The following STRN3 variants were observed in gnomAD, a reference collection of about 807,000 sequenced individuals.
The protein encoded by STRN3 is striatin 3.
STRN3 carries 29 observed loss-of-function variants against 95.6 expected under a neutral mutation model. The ratio of observed to expected loss-of-function variants is 0.30; its 90% confidence interval spans 0.23 to 0.41. The LOEUF (loss-of-function observed/expected upper bound fraction) is 0.41. Ranked by LOEUF, STRN3 falls within the 10% of genes least tolerant of loss-of-function variation. The probability of loss-of-function intolerance (pLI) is 1.00; values close to 1 mark genes in which losing one functional copy is unlikely to be tolerated. For synonymous variants in STRN3, 331 were observed against 357.6 expected (o/e 0.93, Z 0.84); for missense variants, 890 against 972.1 (o/e 0.92, Z 1.12).
intron 1 of STRN3, among the ~76,000 whole-genome samples, chr14:30,985,432 C>A (rs763354533): frequency 6.6e-6 from 1 of 152,128 alleles, no homozygotes; most frequent in South Asian, 2.1e-4. Context: ...CATGAAACCC[C>A]GTCTCTACTA....
chr14:30,992,550 C>T (rs915978915), intron 1 of STRN3, among the ~76,000 whole-genome samples: 8 of 138,042 alleles, frequency 5.8e-5, no homozygotes, highest in Admixed American at 5.4e-4. Context: ...CCACAGTGCC[C>T]GGCCCCTGTC....
chr14:31,017,690 G>A (rs985096595), intron 1 of STRN3, among the ~76,000 whole-genome samples: 1 of 152,090 alleles, frequency 6.6e-6, no homozygotes, highest in African/African-American at 2.4e-5. Flanking sequence ...AAACTTTGGG[G>A]TAGGAGACTA....
chr14:30,997,807 C>T (rs780631244), intron 1 of STRN3, among the ~76,000 whole-genome samples: 3 of 152,140 alleles, frequency 2.0e-5, no homozygotes, highest in Non-Finnish European at 2.9e-5. Flanking sequence ...TCCAATGACA[C>T]AGAGAAGGTA....
At position 30,950,985 on chromosome 14, in the gene STRN3, G is replaced by A. The variant is rs769365647; in HGVS notation, c.461-41C>T. 23 of 1,541,992 alleles carry A rather than the reference G, an allele frequency of 1.5e-5. 1 individual carries two copies. In the South Asian group the frequency reaches 2.2e-4, roughly 15 times the overall value. On this transcript the variant is annotated intron_variant, in intron 3 of 17. Coordinates refer to ENST00000357479, the MANE Select transcript of STRN3 (RefSeq NM_001083893.2). ...AAAAAAGTTTTACATACTTTATTTC[G>A]ACTCCTGAAAATATTGCCAAAGTTT...
intron 8 of STRN3, among the ~76,000 whole-genome samples, chr14:30,919,495 A>G (rs2139015474): frequency 6.6e-6 from 1 of 152,220 alleles, no homozygotes; most frequent in Admixed American, 6.5e-5. Context: ...TACCAGTGTA[A>G]AGAATAAAAC....
At position 30,929,254 on chromosome 14, in the gene STRN3, C is replaced by T; in HGVS notation, c.1046G>A (p.Ser349Asn). The T allele has an allele frequency of 1.2e-6, 2 of 1,613,476 alleles. No individual in the cohort carries two copies. Among genetic ancestry groups the T allele is most frequent in the South Asian group, 2.2e-5 (2 of 91,030 alleles). Residue 349 changes from serine to asparagine, a missense_variant, in exon 8 of 18, where the codon AGT (serine) becomes AAT (asparagine). Physicochemically the swap from Ser to Asn is conservative, Grantham distance 46. This residue lies in a region of STRN3 where 526 missense variants were observed against 526.3 expected (regional missense o/e 1.00). Coordinates refer to ENST00000357479, the MANE Select transcript of STRN3 (RefSeq NM_001083893.2). ...EVWDVDQGLI[S>N]KLKEQYKKER... ...CTTCTTGTACTGTTCCTTCAGTTTA[C>T]TTATTAGTCCCTGGTCTACATCCCA...
chr14:30,992,168 C>T (rs935206339), intron 1 of STRN3, among the ~76,000 whole-genome samples: 4 of 151,312 alleles, frequency 2.6e-5, no homozygotes, highest in African/African-American at 4.9e-5. Context: ...CCAGCACTTT[C>T]GGAGGCTGAG....
At chr14:30,984,342 T>C (rs1025634409) in intron 1 of STRN3, among the ~76,000 whole-genome samples, 1 of 147,314 alleles carries the variant, frequency 6.8e-6, no homozygotes, top group Admixed American at 6.8e-5. Flanking sequence ...AGGCAGAGAC[T>C]GCAGTGAGCT....
chr14:30,945,667 G>C (rs1178412163), intron 5 of STRN3, among the ~76,000 whole-genome samples: 1 of 152,094 alleles, frequency 6.6e-6, no homozygotes, highest in African/African-American at 2.4e-5. Flanking sequence ...ATCCACAATG[G>C]AGTATTATTC....
At chr14:30,933,514 T>G (rs1463921233) in intron 7 of STRN3, among the ~76,000 whole-genome samples, 2 of 151,978 alleles carry the variant, frequency 1.3e-5, no homozygotes, top group African/African-American at 4.8e-5. Flanking sequence ...AACAATACTT[T>G]TGAAGTTACT....
At chr14:31,012,681 C>G (rs1292945970) in intron 1 of STRN3, among the ~76,000 whole-genome samples, 1 of 152,076 alleles carries the variant, frequency 6.6e-6, no homozygotes, top group African/African-American at 2.4e-5. Context: ...ATCACGAGGT[C>G]AGCAGTTAGA....
intron 1 of STRN3, among the ~76,000 whole-genome samples, chr14:30,977,790 T>C (rs1409538817): frequency 2.1e-5 from 1 of 47,766 alleles, no homozygotes; most frequent in South Asian, 1.1e-3. Flanking sequence ...CAAGACTCTA[T>C]CTCGAAAAAA....
chr14:31,020,399 T>G (rs1230074466), intron 1 of STRN3, among the ~76,000 whole-genome samples: 2 of 151,834 alleles, frequency 1.3e-5, no homozygotes, highest in Non-Finnish European at 2.9e-5. Flanking sequence ...CTCAGAAGAC[T>G]GAGGCATGAG....
chr14:30,919,124 C>T lies in STRN3; in HGVS notation c.1100-18G>A. 6.3e-7 allele frequency: 1 copy of T among 1,584,826 alleles called. No homozygotes were observed. Among genetic ancestry groups the T allele is most frequent in the Admixed American group, 1.7e-5 (1 of 57,354 alleles). On this transcript the variant is annotated intron_variant, in intron 8 of 17. Transcript: ENST00000357479. ...GTTGGCCCCTGTAAATTAATGTCAG[C>T]AGTAGAGGTTCATTTAATGGCTACC...
chr14:30,955,664 G>A lies in STRN3; in HGVS notation c.416C>T (p.Thr139Met), dbSNP rs770591764. Residue 139 changes from threonine to methionine, a missense_variant, in exon 3 of 18, where the codon ACG (threonine) becomes ATG (methionine). Around this residue, in one of 3 missense-constraint regions of STRN3, gnomAD observed 526 missense variants for 526.3 expected, o/e 1.00. Coordinates refer to ENST00000357479, the MANE Select transcript of STRN3 (RefSeq NM_001083893.2). ...TTTCAAGTCACCTTGGTTCAGTTCC[G>A]TGCCATATTTTAATTTGTGATATTT... ...RAKYHKLKYG[T>M]ELNQGDLKMP... is the part of the protein sequence containing the mutation. 2.0e-5 allele frequency: 32 copies of A among 1,578,744 alleles called. No individual in the cohort carries two copies. Among genetic ancestry groups the A allele is most frequent in the South Asian group, 1.1e-4 (9 of 84,190 alleles).
intron 8 of STRN3, among the ~76,000 whole-genome samples, chr14:30,921,069 T>TAC (rs367677158): frequency 0.09 from 10,815 of 119,756 alleles, 431 homozygotes; most frequent in African/African-American, 0.11. Flanking sequence ...TACACATACA[T>TAC]ATACACACAC....
At chr14:30,990,715 C>A (rs188282976) in intron 1 of STRN3, among the ~76,000 whole-genome samples, 30 of 152,236 alleles carry the variant, frequency 2.0e-4, no homozygotes, top group African/African-American at 6.7e-4. Context: ...GATGCTCAAG[C>A]CCTTTATATA....
chr14:31,001,479 T>C (rs372136055), intron 1 of STRN3, among the ~76,000 whole-genome samples: 1 of 151,714 alleles, frequency 6.6e-6, no homozygotes. Context: ...AAGGTTGTAA[T>C]GAGCTATGAT....
At chr14:30,929,958 A>AAAAAAAAAAAAAAC (rs1878413205) in intron 7 of STRN3, among the ~76,000 whole-genome samples, 1 of 132,430 alleles carries the variant, frequency 7.6e-6, no homozygotes, top group East Asian at 2.5e-4. Flanking sequence ...GATTAGCAAA[A>AAAAAAAAAAAAAAC]AAAAAAAAAA....
Sources: allele counts gnomAD v4.1 joint callset (sites outside exome capture counted in the v4.1 genomes callset), GRCh38; gene constraint gnomAD v4.1.1; regional missense constraint gnomAD v4.1.1; transcripts MANE v1.5; gene names NCBI Gene and HGNC (gene_info 2026-07-23, HGNC 2026-07-21).